The following TCF7L2 variants were observed in gnomAD, a reference collection of about 807,000 sequenced individuals.
The protein encoded by TCF7L2 is transcription factor 7 like 2, also known as transcription factor 7-like 2.
TCF7L2 carries 23 observed loss-of-function variants against 77.9 expected under a neutral mutation model. The observed-to-expected ratio is 0.30, with a 90% CI of 0.21 to 0.42. The LOEUF (loss-of-function observed/expected upper bound fraction) is 0.42. Ranked by LOEUF, TCF7L2 falls within the 10% of genes least tolerant of loss-of-function variation. The probability of loss-of-function intolerance (pLI) is 1.00; values close to 1 mark genes in which losing one functional copy is unlikely to be tolerated. For missense variants in TCF7L2, 654 were observed against 793.1 expected (o/e 0.82, Z 2.11); for synonymous variants, 413 against 340.2 (o/e 1.21, Z -2.36).
At chr10:112,998,678 A>T (rs1590203422) in intron 4 of TCF7L2, among the ~76,000 whole-genome samples, 2 of 152,240 alleles carry the variant, frequency 1.3e-5, no homozygotes, top group Non-Finnish European at 1.5e-5. Context: ...AGTCAATGTC[A>T]GATAACTAGG....
chr10:112,995,732 C>G (rs1382135720), intron 4 of TCF7L2, among the ~76,000 whole-genome samples: 1 of 152,132 alleles, frequency 6.6e-6, no homozygotes, highest in Non-Finnish European at 1.5e-5. Context: ...ACCTCCCTTT[C>G]CTGAGAGTCA....
chr10:113,066,890 T>C (rs2057332206), intron 5 of TCF7L2, among the ~76,000 whole-genome samples: 2 of 152,238 alleles, frequency 1.3e-5, no homozygotes, highest in Admixed American at 6.5e-5. Context: ...CATGTCCACA[T>C]TCCAGTCTCA....
chr10:113,145,497 G>T (rs146347568), intron 7 of TCF7L2, among the ~76,000 whole-genome samples: 2 of 151,842 alleles, frequency 1.3e-5, no homozygotes, highest in Non-Finnish European at 2.9e-5. Flanking sequence ...CTCTCCCCCC[G>T]GTAACTCTTG....
intron 5 of TCF7L2, among the ~76,000 whole-genome samples, chr10:113,119,991 C>T (rs1207675088): frequency 1.3e-5 from 2 of 152,180 alleles, no homozygotes; most frequent in Admixed American, 6.5e-5. Flanking sequence ...AGCGCTTCTT[C>T]TTCCTTTCTC....
intron 4 of TCF7L2, among the ~76,000 whole-genome samples, chr10:112,980,239 G>A (rs549634177): frequency 6.6e-6 from 1 of 152,306 alleles, no homozygotes; most frequent in Admixed American, 6.5e-5. Context: ...GGGTTAGAAT[G>A]GCCAGTGTAT....
chr10:113,087,262 A>G (rs532491111), intron 5 of TCF7L2, among the ~76,000 whole-genome samples: 1 of 152,324 alleles, frequency 6.6e-6, no homozygotes, highest in South Asian at 2.1e-4. Context: ...GTGGAAGATA[A>G]AGGAGACCAT....
chr10:113,092,377 G>A (rs1446952305), intron 5 of TCF7L2, among the ~76,000 whole-genome samples: 1 of 152,220 alleles, frequency 6.6e-6, no homozygotes, highest in Non-Finnish European at 1.5e-5. Context: ...CAGTGATAAA[G>A]GTTCACATAC....
intron 4 of TCF7L2, among the ~76,000 whole-genome samples, chr10:113,015,922 G>T (rs575103365): frequency 6.6e-6 from 1 of 152,324 alleles, no homozygotes; most frequent in South Asian, 2.1e-4. Context: ...CAGAGCAGGG[G>T]TTTCCTTACC....
At position 112,961,036 on chromosome 10, in the gene TCF7L2, C is replaced by T. The variant is rs1157233897; in HGVS notation, c.382-3520C>T. Among the ~76,000 whole-genome samples the T allele has an allele frequency of 3.3e-5, 5 of 151,038 alleles. No individual in the cohort carries two copies. The East Asian group carries it at 7.8e-4, about 24-fold the overall frequency. On this transcript the variant is annotated intron_variant, in intron 3 of 13. Coordinates refer to ENST00000627217, the MANE Select transcript of TCF7L2 (RefSeq NM_001146274.2). ...TTTATTTTATTATTATTTTTTGAGACGGAGTTTTGCTCTTGTTGCCCAGGC... is the reference window on the plus strand; with the variant it reads ...TTTATTTTATTATTATTTTTTGAGATGGAGTTTTGCTCTTGTTGCCCAGGC...
chr10:113,125,010 C>A (rs1181671817), intron 5 of TCF7L2, among the ~76,000 whole-genome samples: 1 of 151,988 alleles, frequency 6.6e-6, no homozygotes, highest in African/African-American at 2.4e-5. Flanking sequence ...TTAAGAGTTT[C>A]TGTAAATGTA....
intron 4 of TCF7L2, among the ~76,000 whole-genome samples, chr10:113,001,280 G>A (rs2044426447): frequency 1.3e-5 from 2 of 152,198 alleles, no homozygotes; most frequent in South Asian, 2.1e-4. Flanking sequence ...CCAACAAAGA[G>A]TATTTTATTT....
chr10:113,006,598 TG>T (rs1236944630), intron 4 of TCF7L2, among the ~76,000 whole-genome samples: 6 of 152,234 alleles, frequency 3.9e-5, no homozygotes, highest in African/African-American at 1.4e-4. Context: ...AGGCTCTTCC[TG>T]CTCCCTTTCA....
At chr10:112,966,177 A>AATATACATATATATATATATATATATAT (rs1564721739) in intron 4 of TCF7L2, among the ~76,000 whole-genome samples, 9 of 45,142 alleles carry the variant, frequency 2.0e-4, no homozygotes, top group African/African-American at 1.1e-3. Flanking sequence ...CTCTGTCTAA[A>AATATACATATATATATATATATATATAT]ATATATTTAT....
At chr10:112,951,037 G>C in intron 1 of TCF7L2, 92 bp downstream of exon 1, 1 of 1,474,120 alleles carries the variant, frequency 6.8e-7, no homozygotes. Flanking sequence ...GGCTGGGGGC[G>C]GCGGCGGGGC....
At chr10:113,044,821 G>A (rs1387223116) in intron 5 of TCF7L2, among the ~76,000 whole-genome samples, 7 of 152,218 alleles carry the variant, frequency 4.6e-5, no homozygotes, top group Admixed American at 3.9e-4. Flanking sequence ...AATCAGGTAG[G>A]AGGCTAGAGG....
At chr10:112,972,046 G>T (rs546818120) in intron 4 of TCF7L2, among the ~76,000 whole-genome samples, 2 of 151,790 alleles carry the variant, frequency 1.3e-5, no homozygotes, top group African/African-American at 4.8e-5. Flanking sequence ...TTAGCCTCCC[G>T]CTGGCCGTCA....
At chr10:112,989,333 T>TCC (rs1397091274) in intron 4 of TCF7L2, among the ~76,000 whole-genome samples, 1 of 150,894 alleles carries the variant, frequency 6.6e-6, no homozygotes, top group East Asian at 1.9e-4. Context: ...AACCCCCCTT[T>TCC]CCTGTCTCTG....
chr10:112,951,223 C>T lies in TCF7L2; in HGVS notation c.206C>T (p.Pro69Leu), dbSNP rs761411124. 3.2e-6 allele frequency: 5 copies of T among 1,582,322 alleles called. No homozygotes were observed. Among genetic ancestry groups the T allele is most frequent in the East Asian group, 4.9e-5 (2 of 40,892 alleles). Residue 69 changes from proline to leucine, a missense_variant, in exon 2 of 14, where the codon CCG becomes CTG. Pro to Leu is a moderately conservative substitution (Grantham distance 98, BLOSUM62 -3). Coordinates refer to ENST00000627217, the MANE Select transcript of TCF7L2 (RefSeq NM_001146274.2). ...TCTGGGAAGGCGGAAAGACGGCCTCCGCCTCGCTCCGAAAGTTTCCGAGAC... is the reference window on the plus strand; with the variant it reads ...TCTGGGAAGGCGGAAAGACGGCCTCTGCCTCGCTCCGAAAGTTTCCGAGAC...
intron 5 of TCF7L2, among the ~76,000 whole-genome samples, chr10:113,101,153 A>G (rs763427189): frequency 4.6e-5 from 7 of 152,062 alleles, no homozygotes; most frequent in Non-Finnish European, 1.0e-4. Flanking sequence ...TACTCAATGG[A>G]TTGGTTTCCT....
Sources: gnomAD v4.1 joint callset for allele counts (sites outside exome capture counted in the v4.1 genomes callset) on GRCh38, gnomAD v4.1.1 for gene constraint, MANE v1.5 for transcripts, NCBI Gene and HGNC (gene_info 2026-07-23, HGNC 2026-07-21) for gene names.